CLINT1: variants seen among roughly 807,000 people sequenced by gnomAD.
The protein encoded by CLINT1 is clathrin interacting protein localized in the trans-Golgi region.
A neutral mutation model predicts 70.4 loss-of-function variants in CLINT1; 15 were observed. That is an observed-to-expected ratio of 0.21 (90% CI 0.14 to 0.33). The LOEUF is 0.33. Among genes scored for constraint, CLINT1 ranks in the 10% least tolerant of loss-of-function variants. The pLI is 1.00. For missense variants in CLINT1, 615 were observed against 778.1 expected (o/e 0.79, Z 2.49); for synonymous variants, 227 against 254.7 (o/e 0.89, Z 1.04).
chr5:157,831,210 T>TG, intron 1 of CLINT1, among the ~76,000 whole-genome samples: 1 of 150,262 alleles, frequency 6.7e-6, no homozygotes, highest in East Asian at 1.9e-4. Flanking sequence ...TTTTTTGAGA[T>TG]GGAGTCTCCC....
Position 157,806,220 on chromosome 5 carries a change from A to C in CLINT1, c.696-108T>G, listed in dbSNP as rs1762379067. Reference sequence around the variant, plus strand: ...TCAAATACAGTAACTCCAAAATTTCATACTTTGACTACTTGACAGGGATCA... The same window carrying C: ...TCAAATACAGTAACTCCAAAATTTCCTACTTTGACTACTTGACAGGGATCA... On this transcript the variant is annotated intron_variant, in intron 6 of 11. Transcript: ENST00000411809. 4.6e-6 allele frequency: 5 copies of C among 1,096,980 alleles called. No individual in the cohort carries two copies. The Admixed American group carries it at 1.3e-4, about 28-fold the overall frequency. The allele number at this position is 1,096,980 out of a possible 1,614,324, so 68.0% of individuals were successfully genotyped here. A position where few individuals can be genotyped will look rare whatever the true frequency, so the allele number is the denominator to read the frequency against.
chr5:157,805,147 AC>A (rs1762348593), intron 7 of CLINT1, among the ~76,000 whole-genome samples: 1 of 152,168 alleles, frequency 6.6e-6, no homozygotes, highest in African/African-American at 2.4e-5. Flanking sequence ...TTTCAGAGTC[AC>A]CTACAATCTG....
At chr5:157,799,282 A>G (rs1376695387) in intron 8 of CLINT1, among the ~76,000 whole-genome samples, 4 of 152,094 alleles carry the variant, frequency 2.6e-5, no homozygotes, top group Non-Finnish European at 5.9e-5. Context: ...TACCCAAATG[A>G]TAAGTTAGTG....
intron 1 of CLINT1, among the ~76,000 whole-genome samples, chr5:157,837,912 G>C (rs951597096): frequency 6.6e-6 from 1 of 151,964 alleles, no homozygotes; most frequent in African/African-American, 2.4e-5. Flanking sequence ...AAAGTACTGG[G>C]ATTATAGGCA....
intron 1 of CLINT1, among the ~76,000 whole-genome samples, chr5:157,832,946 T>C (rs2113272632): frequency 6.6e-6 from 1 of 152,348 alleles, no homozygotes; most frequent in African/African-American, 2.4e-5. Flanking sequence ...CTACTTCGAC[T>C]CATCTTCTAC....
chr5:157,854,465 G>A (rs902401673), intron 1 of CLINT1, among the ~76,000 whole-genome samples: 6 of 152,074 alleles, frequency 3.9e-5, no homozygotes, highest in African/African-American at 1.4e-4. Flanking sequence ...CGCAGCTGTG[G>A]TCCCAGCTGC....
chr5:157,823,865 C>T (rs1196531285), intron 1 of CLINT1: 1 of 168,714 alleles, frequency 5.9e-6, no homozygotes, highest in Non-Finnish European at 1.2e-5. Context: ...TGAGCTCTGC[C>T]TCCTGTCAGA....
At chr5:157,800,063 G>T (rs1762166765) in intron 8 of CLINT1, among the ~76,000 whole-genome samples, 1 of 152,100 alleles carries the variant, frequency 6.6e-6, no homozygotes, top group Admixed American at 6.5e-5. Flanking sequence ...GAAACACCAT[G>T]TGAGTACAGG....
Position 157,817,357 on chromosome 5 carries a change from T to C in CLINT1, c.146+86A>G, listed in dbSNP as rs1175970917. On this transcript the variant is annotated intron_variant, in intron 2 of 11. Coordinates refer to ENST00000411809, the MANE Select transcript of CLINT1 (RefSeq NM_014666.4). ...CAAAATTTATATTTTGGCAGCCAAA[T>C]AGTTTAAATCTGAAAGCAAATTTCA... is the stretch of plus-strand genomic sequence containing the variant. 2.8e-5 allele frequency: 23 copies of C among 819,094 alleles called. No individual in the cohort carries two copies. The East Asian group carries it at 3.5e-4, about 13-fold the overall frequency. 50.7% of individuals were successfully genotyped at this position (819,094 alleles called of 1,614,324 possible).
intron 7 of CLINT1, 149 bp downstream of exon 7, chr5:157,805,717 T>C (rs1581490149): frequency 1.0e-6 from 1 of 981,280 alleles, no homozygotes; most frequent in East Asian, 2.6e-5. Context: ...AAGAGATTTC[T>C]TATTATTAAT....
Position 157,813,063 on chromosome 5 carries a change from T to G in CLINT1, c.517A>C (p.Ser173Arg). 1 of 1,613,456 alleles carries G rather than the reference T, an allele frequency of 6.2e-7. No homozygotes were observed. Among genetic ancestry groups the G allele is most frequent in the Non-Finnish European group, 8.5e-7 (1 of 1,179,556 alleles). The change falls in exon 5 of 12, where the codon AGT becomes CGT. Residue 173 changes from serine (S) to arginine (R), a missense_variant and splice_region_variant. Ser to Arg is a moderately radical substitution (Grantham distance 110, BLOSUM62 -1). Coordinates refer to ENST00000411809, the MANE Select transcript of CLINT1 (RefSeq NM_014666.4). Reference protein sequence around the residue: ...SSDSVGGFRYSERYDPEPKSK... With the variant: ...SSDSVGGFRYRERYDPEPKSK... ...GTGTCAGCTTGTCTTTGATACTCAC[T>G]GTATCTGAATCCTCCAACACTGTCT... is the stretch of plus-strand genomic sequence containing the variant.
chr5:157,790,453 G>T (rs1215472844), intron 10 of CLINT1: 2 of 326,692 alleles, frequency 6.1e-6, no homozygotes, highest in Non-Finnish European at 1.2e-5. Flanking sequence ...GAAAAGGACA[G>T]AAAAAAGGAA....
At chr5:157,796,803 T>A (rs1428217268) in intron 8 of CLINT1, among the ~76,000 whole-genome samples, 1 of 152,210 alleles carries the variant, frequency 6.6e-6, no homozygotes, top group Non-Finnish European at 1.5e-5. Context: ...GTATTTCTTT[T>A]TAATGCATAT....
chr5:157,796,087 A>C (rs1222565538), intron 8 of CLINT1: 1 of 152,222 alleles, frequency 6.6e-6, no homozygotes, highest in Non-Finnish European at 1.5e-5. Flanking sequence ...AGGGAGAAAT[A>C]TCAATACAAT....
intron 8 of CLINT1, among the ~76,000 whole-genome samples, chr5:157,802,435 A>G (rs976817290): frequency 6.6e-6 from 1 of 152,156 alleles, no homozygotes. Context: ...AAAACAATTG[A>G]TCAGAAATTA....
chr5:157,808,260 G>T (rs1240941890), intron 6 of CLINT1, among the ~76,000 whole-genome samples: 1 of 151,988 alleles, frequency 6.6e-6, no homozygotes, highest in Non-Finnish European at 1.5e-5. Context: ...GCATTCCAGG[G>T]ATTTAAAAGA....
intron 1 of CLINT1, among the ~76,000 whole-genome samples, chr5:157,848,851 G>A (rs1389716606): frequency 2.0e-5 from 3 of 151,092 alleles, no homozygotes; most frequent in South Asian, 2.1e-4. Flanking sequence ...TAGTAGAGAC[G>A]GGGTTTCACC....
Position 157,809,809 on chromosome 5 carries a change from G to C in CLINT1, c.518-4C>G, listed in dbSNP as rs770133252. 1 of 1,605,780 alleles carries C rather than the reference G, an allele frequency of 6.2e-7. No individual in the cohort carries two copies. Among genetic ancestry groups the C allele is most frequent in the South Asian group, 1.1e-5 (1 of 89,208 alleles). ...GGCTCAGGATCATATCTTTCACCTA[G>C]ATAGAGCATTAAAAAAAGAAGCAAT... On this transcript the variant is annotated splice_polypyrimidine_tract_variant and splice_region_variant and intron_variant, in intron 5 of 11. Transcript: ENST00000411809.
At chr5:157,820,585 T>A (rs1288021156) in intron 1 of CLINT1, among the ~76,000 whole-genome samples, 1 of 152,234 alleles carries the variant, frequency 6.6e-6, no homozygotes, top group African/African-American at 2.4e-5. Context: ...TGGTTTGGCC[T>A]TATTCCAGGT....
Sources: gnomAD v4.1 joint callset for allele counts (sites outside exome capture counted in the v4.1 genomes callset) on GRCh38, gnomAD v4.1.1 for gene constraint, MANE v1.5 for transcripts, NCBI Gene and HGNC (gene_info 2026-07-23, HGNC 2026-07-21) for gene names.